SGPP2: variants seen among roughly 807,000 people sequenced by gnomAD.
SGPP2 encodes sphingosine-1-phosphate phosphatase 2.
A neutral mutation model predicts 33.9 loss-of-function variants in SGPP2; 30 were observed. That is an observed-to-expected ratio of 0.89 (90% CI 0.66 to 1.20). The LOEUF (loss-of-function observed/expected upper bound fraction) is 1.20. SGPP2 is among the 50% of genes most tolerant of loss of function. The probability of loss-of-function intolerance (pLI) is 0.00; values close to 1 mark genes in which losing one functional copy is unlikely to be tolerated. For synonymous variants in SGPP2, 233 were observed against 225.0 expected (o/e 1.04, Z -0.32); for missense variants, 458 against 532.1 (o/e 0.86, Z 1.37).
intron 1 of SGPP2, among the ~76,000 whole-genome samples, chr2:222,472,470 A>G (rs1343709413): frequency 6.6e-6 from 1 of 152,178 alleles, no homozygotes; most frequent in African/African-American, 2.4e-5. Flanking sequence ...TCTGGAAAAC[A>G]TCTCAAAAGA....
intron 4 of SGPP2, among the ~76,000 whole-genome samples, chr2:222,553,183 G>A (rs1331416135): frequency 3.9e-5 from 6 of 152,216 alleles, no homozygotes; most frequent in African/African-American, 1.4e-4. Flanking sequence ...GGGAGAAAGC[G>A]AGAGAAAGGT....
intron 4 of SGPP2, among the ~76,000 whole-genome samples, chr2:222,526,832 G>T (rs2106137917): frequency 6.6e-6 from 1 of 152,208 alleles, no homozygotes; most frequent in East Asian, 1.9e-4. Flanking sequence ...ATGGACACAG[G>T]GAGGGGAACA....
chr2:222,490,313 TAAGGGGAACAGGCA>T (rs1394110736), intron 2 of SGPP2, among the ~76,000 whole-genome samples: 1 of 152,156 alleles, frequency 6.6e-6, no homozygotes, highest in East Asian at 1.9e-4. Context: ...TCCTAAAAGC[TAAGGGGAACAGGCA>T]CTCAAATCAA....
At chr2:222,487,333 G>T (rs934858777) in intron 2 of SGPP2, among the ~76,000 whole-genome samples, 1 of 152,248 alleles carries the variant, frequency 6.6e-6, no homozygotes. Context: ...CTTATAGCCC[G>T]CTGGATGTTA....
Position 222,562,038 on chromosome 2 carries a change from A to G in SGPP2, c.*3140A>G, listed in dbSNP as rs1689552149. 6.6e-6 allele frequency among the ~76,000 whole-genome samples: 1 copy of G among 152,104 alleles called. No homozygotes were observed. The highest frequency in any genetic ancestry group is 2.1e-4 in the South Asian group (1 of 4,822). On this transcript the variant is annotated 3_prime_UTR_variant, in exon 5 of 5. Transcript: ENST00000321276. Reference sequence around the variant, plus strand: ...CCCCCTACTGGTTTGGCTTCAGTCTAGGTCCACCATCCCTCTCGATCTGGC... The same window carrying G: ...CCCCCTACTGGTTTGGCTTCAGTCTGGGTCCACCATCCCTCTCGATCTGGC...
chr2:222,431,514 G>A (rs981324239), intron 1 of SGPP2, among the ~76,000 whole-genome samples: 8 of 151,858 alleles, frequency 5.3e-5, no homozygotes, highest in Non-Finnish European at 1.0e-4. Context: ...CCCGCCCCCC[G>A]CTCGAAGTCT....
At chr2:222,478,919 A>G (rs1697989637) in intron 2 of SGPP2, among the ~76,000 whole-genome samples, 1 of 152,214 alleles carries the variant, frequency 6.6e-6, no homozygotes, top group Non-Finnish European at 1.5e-5. Context: ...AATGGGCAGT[A>G]TCATTTTTTA....
chr2:222,432,463 G>C (rs921455917), intron 1 of SGPP2, among the ~76,000 whole-genome samples: 5 of 152,232 alleles, frequency 3.3e-5, no homozygotes, highest in African/African-American at 1.2e-4. Flanking sequence ...TGGAGTGAAA[G>C]GCAGCCTTCT....
chr2:222,476,185 C>CTATGG lies in SGPP2; in HGVS notation c.378+1461_378+1465dup, dbSNP rs1484696819. Among the ~76,000 whole-genome samples the CTATGG allele has an allele frequency of 3.9e-5, 6 of 152,110 alleles. No homozygotes were observed. The highest frequency in any genetic ancestry group is 3.9e-4 in the Admixed American group (6 of 15,272). On this transcript the variant is annotated intron_variant, in intron 2 of 4. Transcript: ENST00000321276. This position sits in a 1 kb window ranked among gnomAD's most constrained non-coding sequence, Gnocchi z 4.3. ...GAGAAGATTTTAGCAAGTGACTTTCCTATGGTGAGCATTATGTTTTCTCAT... is the reference window on the plus strand; with the variant it reads ...GAGAAGATTTTAGCAAGTGACTTTCCTATGGTATGGTGAGCATTATGTTTTCTCAT...
At chr2:222,531,687 T>C (rs1238917532) in intron 4 of SGPP2, among the ~76,000 whole-genome samples, 5 of 152,154 alleles carry the variant, frequency 3.3e-5, no homozygotes, top group Non-Finnish European at 4.4e-5. Flanking sequence ...TTTTATGTTA[T>C]GTGTGTGTGT....
chr2:222,541,591 C>A (rs10932958), intron 4 of SGPP2, among the ~76,000 whole-genome samples: 138,130 of 151,618 alleles, frequency 0.91, 63,158 homozygotes, highest in East Asian at 1. Context: ...AATAAGAAAA[C>A]TATTTTATTT....
At chr2:222,433,146 T>C (rs756171222) in intron 1 of SGPP2, among the ~76,000 whole-genome samples, 3 of 151,052 alleles carry the variant, frequency 2.0e-5, no homozygotes, top group African/African-American at 4.9e-5. Flanking sequence ...AGAAAAAAAA[T>C]TTCTGAATGG....
In SGPP2 at chr2:222,561,184, A is replaced by G. The variant is rs1689532263; in HGVS notation, c.*2286A>G. 1.3e-5 allele frequency among the ~76,000 whole-genome samples: 2 copies of G among 152,144 alleles called. No individual in the cohort carries two copies. Among genetic ancestry groups the G allele is most frequent in the African/African-American group, 4.8e-5 (2 of 41,436 alleles). On this transcript the variant is annotated 3_prime_UTR_variant, in exon 5 of 5. Transcript: ENST00000321276. ...TCATATTTATTATAGTTAGAAGGCA[A>G]AGATCAAGATGACCTGCCGTTTGAC...
intron 2 of SGPP2, among the ~76,000 whole-genome samples, chr2:222,479,019 A>G (rs982534399): frequency 1.3e-5 from 2 of 152,228 alleles, no homozygotes; most frequent in Non-Finnish European, 2.9e-5. Flanking sequence ...AGTGCTTTAC[A>G]TATTTTACTT....
intron 1 of SGPP2, among the ~76,000 whole-genome samples, chr2:222,433,711 G>A (rs10189725): frequency 0.099 from 15,034 of 152,128 alleles, 956 homozygotes; most frequent in Admixed American, 0.14. Context: ...CCCCATGTTG[G>A]CTCCTTCCTT....
At chr2:222,472,707 C>T (rs1559153566) in intron 1 of SGPP2, among the ~76,000 whole-genome samples, 1 of 152,146 alleles carries the variant, frequency 6.6e-6, no homozygotes, top group Non-Finnish European at 1.5e-5. Context: ...TTTTCATCCC[C>T]CAACAGGGAG....
intron 1 of SGPP2, among the ~76,000 whole-genome samples, chr2:222,444,259 T>C (rs1184020051): frequency 2.0e-5 from 3 of 152,210 alleles, no homozygotes; most frequent in Non-Finnish European, 2.9e-5. Flanking sequence ...CTTTAAATTG[T>C]TGCATTGCAG....
intron 4 of SGPP2, among the ~76,000 whole-genome samples, chr2:222,549,003 G>A (rs1205999664): frequency 4.6e-5 from 7 of 152,204 alleles, no homozygotes; most frequent in African/African-American, 1.4e-4. Context: ...TTGTTTTAAT[G>A]TCAGTGTCTG....
chr2:222,559,176 G>GAC lies in SGPP2; in HGVS notation c.*278_*279insAC, dbSNP rs1553543495. ...CACACACCGCGCCCCCCCCCCCCCC[G>GAC]CCCGGCCCCTGCTCCTCTCGCTGTT... On this transcript the variant is annotated 3_prime_UTR_variant, in exon 5 of 5. Coordinates refer to ENST00000321276, the MANE Select transcript of SGPP2 (RefSeq NM_152386.4). 2.8e-3 allele frequency: 120 copies of GAC among 43,314 alleles called. 27 individuals carry two copies. The highest frequency in any genetic ancestry group is 8.4e-3 in the Admixed American group (32 of 3,794). 2.7% of individuals were successfully genotyped at this position (43,314 alleles called of 1,614,324 possible). A position where few individuals can be genotyped will look rare whatever the true frequency, so the allele number is the denominator to read the frequency against.
Sources: gnomAD v4.1 joint callset for allele counts (sites outside exome capture counted in the v4.1 genomes callset) on GRCh38, gnomAD v4.1.1 for gene constraint, Gnocchi (gnomAD v3.1) non-coding constraint, MANE v1.5 for transcripts, NCBI Gene and HGNC (gene_info 2026-07-23, HGNC 2026-07-21) for gene names.